STK33: variants seen among roughly 807,000 people sequenced by gnomAD.
The protein encoded by STK33 is serine/threonine-protein kinase 33.
A neutral mutation model predicts 58.0 loss-of-function variants in STK33; 52 were observed. The observed-to-expected ratio is 0.90, with a 90% CI of 0.72 to 1.13. The LOEUF (loss-of-function observed/expected upper bound fraction) is 1.13. STK33 is among the 50% of genes most tolerant of loss of function. The probability of loss-of-function intolerance (pLI) is 0.00; values close to 1 mark genes in which losing one functional copy is unlikely to be tolerated. For missense variants in STK33, 630 were observed against 604.2 expected (o/e 1.04, Z -0.45); for synonymous variants, 215 against 200.1 (o/e 1.07, Z -0.63).
intron 1 of STK33, among the ~76,000 whole-genome samples, chr11:8,500,696 A>G (rs1951450349): frequency 6.6e-6 from 1 of 152,218 alleles, no homozygotes; most frequent in Non-Finnish European, 1.5e-5. Flanking sequence ...TGTAAAGTTC[A>G]TATGAAAATG....
At chr11:8,334,864 C>T in the STK33 span, among the ~76,000 whole-genome samples, 1 of 152,244 alleles carries the variant, frequency 6.6e-6, no homozygotes, top group South Asian at 2.1e-4. Flanking sequence ...CAGTCACACA[C>T]TCCTTCAATG....
chr11:8,406,606 CTAAG>C (rs1364845881), intron 15 of STK33, among the ~76,000 whole-genome samples: 7 of 152,252 alleles, frequency 4.6e-5, no homozygotes, highest in East Asian at 1.9e-4. Context: ...AGATTTTTCA[CTAAG>C]TGTTTTATGT....
chr11:8,355,353 G>T, the STK33 span, among the ~76,000 whole-genome samples: 8 of 152,362 alleles, frequency 5.3e-5, no homozygotes, highest in African/African-American at 1.9e-4. Flanking sequence ...GTCTGACTGA[G>T]GAATCAAATC....
chr11:8,535,253 G>A (rs962084044), intron 1 of STK33, among the ~76,000 whole-genome samples: 9 of 152,050 alleles, frequency 5.9e-5, no homozygotes, highest in Admixed American at 2.0e-4. Flanking sequence ...CACTTTACAG[G>A]TTTAAGTTCT....
chr11:8,587,314 T>A (rs143551036), intron 1 of STK33, among the ~76,000 whole-genome samples: 117 of 152,268 alleles, frequency 7.7e-4, no homozygotes, highest in Non-Finnish European at 1.5e-3. Flanking sequence ...TTAGGCACTT[T>A]ACCTATGATA....
chr11:8,592,276 G>A (rs1308726055), intron 1 of STK33, among the ~76,000 whole-genome samples: 1 of 152,070 alleles, frequency 6.6e-6, no homozygotes, highest in African/African-American at 2.4e-5. Flanking sequence ...CTGGGCTGGG[G>A]AAGATAAAAA....
At chr11:8,589,975 T>C (rs1192188812) in intron 1 of STK33, among the ~76,000 whole-genome samples, 3 of 152,228 alleles carry the variant, frequency 2.0e-5, no homozygotes, top group Admixed American at 6.5e-5. Context: ...AGAGCCTCGA[T>C]GTTAGATTTG....
At chr11:8,574,314 G>C (rs1471538912) in intron 1 of STK33, among the ~76,000 whole-genome samples, 3 of 152,122 alleles carry the variant, frequency 2.0e-5, no homozygotes, top group Non-Finnish European at 4.4e-5. Context: ...TATTGAGGGA[G>C]GATGGTTGAA....
intron 1 of STK33, among the ~76,000 whole-genome samples, chr11:8,497,338 C>T (rs1376602294): frequency 1.3e-5 from 2 of 152,120 alleles, no homozygotes; most frequent in African/African-American, 4.8e-5. Flanking sequence ...TCAAAGAGAA[C>T]CTTGAAAGCA....
intron 1 of STK33, among the ~76,000 whole-genome samples, chr11:8,494,707 A>G (rs1950910198): frequency 6.6e-6 from 1 of 152,218 alleles, no homozygotes; most frequent in Non-Finnish European, 1.5e-5. Flanking sequence ...ATACAAGGCT[A>G]CAGTAACCAA....
At chr11:8,383,091 C>T in the STK33 span, among the ~76,000 whole-genome samples, 2 of 152,324 alleles carry the variant, frequency 1.3e-5, no homozygotes, top group South Asian at 2.1e-4. Context: ...CAGTGACAGA[C>T]GCACAGTGTT....
rs1247830829 is a variant in STK33 at position 8,499,891 on chromosome 11, A to AG, written c.-465-19278dup. On this transcript the variant is annotated intron_variant, in intron 1 of 15. Transcript: ENST00000687296. ...ACAATGAGAACACATGGACACAGGG[A>AG]GGGGAACATCACACACCAGGGCCTG... is the stretch of plus-strand genomic sequence containing the variant. 7.2e-5 allele frequency among the ~76,000 whole-genome samples: 11 copies of AG among 152,014 alleles called. No individual in the cohort carries two copies. In the South Asian group the frequency reaches 1.5e-3, roughly 20 times the overall value.
chr11:8,350,296 C>T, the STK33 span, among the ~76,000 whole-genome samples: 3 of 152,144 alleles, frequency 2.0e-5, no homozygotes, highest in Non-Finnish European at 4.4e-5. Flanking sequence ...AGGCAGTTAG[C>T]GCAAGGGCAG....
At chr11:8,546,130 T>C (rs1955892592) in intron 1 of STK33, among the ~76,000 whole-genome samples, 2 of 152,248 alleles carry the variant, frequency 1.3e-5, no homozygotes, top group South Asian at 2.1e-4. Context: ...CGAATGCAGC[T>C]TGCAGGACAG....
rs1245776691 is a variant in STK33, at chr11:8,554,986, CT to C, written c.-466+39096del. 13 of 152,222 alleles carry C rather than the reference CT, an allele frequency of 8.5e-5. No homozygotes were observed. In the East Asian group the frequency reaches 2.3e-3, roughly 27 times the overall value. The allele number at this position is 152,222 out of a possible 1,614,324, so 9.4% of individuals were successfully genotyped here. A position where few individuals can be genotyped will look rare whatever the true frequency, so the allele number is the denominator to read the frequency against. ...ATAAGCCTGGGGGACATTATGTTAACTGAAATGAGCCAAGCACAGAAAGACA... is the reference window on the plus strand; with the variant it reads ...ATAAGCCTGGGGGACATTATGTTAACGAAATGAGCCAAGCACAGAAAGACA... On this transcript the variant is annotated intron_variant, in intron 1 of 15. Transcript: ENST00000687296.
At chr11:8,498,134 A>G (rs568686228) in intron 1 of STK33, among the ~76,000 whole-genome samples, 204 of 152,318 alleles carry the variant, frequency 1.3e-3, no homozygotes, top group African/African-American at 4.7e-3. Flanking sequence ...TAAAATAAAC[A>G]TATCATTTTG....
At chr11:8,370,096 T>C in the STK33 span, among the ~76,000 whole-genome samples, 1 of 152,112 alleles carries the variant, frequency 6.6e-6, no homozygotes, top group Non-Finnish European at 1.5e-5. Context: ...CCACCTGCCC[T>C]CCCAAGGGCC....
intron 1 of STK33, among the ~76,000 whole-genome samples, chr11:8,513,103 A>C (rs543047126): frequency 2.0e-5 from 3 of 152,318 alleles, no homozygotes. Flanking sequence ...TAAGTTGCTA[A>C]TGTATACCAT....
chr11:8,531,812 G>A (rs1378106681), intron 1 of STK33, among the ~76,000 whole-genome samples: 1 of 152,182 alleles, frequency 6.6e-6, no homozygotes, highest in Non-Finnish European at 1.5e-5. Flanking sequence ...CATCTTGATA[G>A]GAATGTCAAA....
Sources: gnomAD v4.1 joint callset for allele counts (sites outside exome capture counted in the v4.1 genomes callset) on GRCh38, gnomAD v4.1.1 for gene constraint, MANE v1.5 for transcripts, NCBI Gene and HGNC (gene_info 2026-07-23, HGNC 2026-07-21) for gene names.